The following PIP5K1C variants were observed in gnomAD, a reference collection of about 807,000 sequenced individuals.
PIP5K1C encodes phosphatidylinositol 4-phosphate 5-kinase type-1 gamma.
Under a neutral mutation model 80.1 loss-of-function variants are expected in PIP5K1C, and 45 were observed. The observed-to-expected ratio is 0.56, with a 90% CI of 0.44 to 0.72. The LOEUF (loss-of-function observed/expected upper bound fraction) is 0.72, where lower values mean the gene tolerates loss of function less well. Among genes scored for constraint, PIP5K1C ranks in the 30% least tolerant of loss-of-function variants. The pLI is 0.00. For synonymous variants in PIP5K1C, 498 were observed against 420.1 expected (o/e 1.19, Z -2.27); for missense variants, 753 against 954.6 (o/e 0.79, Z 2.78).
intron 15 of PIP5K1C, among the ~76,000 whole-genome samples, chr19:3,639,251 G>A (rs1435087381): frequency 2.0e-5 from 3 of 152,148 alleles, no homozygotes; most frequent in Non-Finnish European, 2.9e-5. Flanking sequence ...CCGCCAGCCC[G>A]CTGACAGCTC....
chr19:3,666,770 C>T (rs931464219), intron 2 of PIP5K1C, among the ~76,000 whole-genome samples: 22 of 151,966 alleles, frequency 1.4e-4, no homozygotes, highest in African/African-American at 4.1e-4. Flanking sequence ...CACACACGCA[C>T]GCAGGCAAAC....
chr19:3,700,104 A>G (rs2036250056), intron 1 of PIP5K1C, among the ~76,000 whole-genome samples, 193 bp downstream of exon 1: 1 of 151,758 alleles, frequency 6.6e-6, no homozygotes, highest in Non-Finnish European at 1.5e-5. Context: ...AGCCCCTCGC[A>G]GGCCTCCCGC....
intron 1 of PIP5K1C, among the ~76,000 whole-genome samples, chr19:3,684,617 AAGCCC>A (rs1375813566): frequency 6.6e-6 from 1 of 152,248 alleles, no homozygotes; most frequent in Non-Finnish European, 1.5e-5. Flanking sequence ...GAGCCCAGCC[AAGCCC>A]AGCCAATACT....
chr19:3,683,780 G>C (rs544432541), intron 1 of PIP5K1C, among the ~76,000 whole-genome samples: 111 of 152,122 alleles, frequency 7.3e-4, no homozygotes, highest in African/African-American at 2.5e-3. Flanking sequence ...GAGGCCCCGG[G>C]GCAGGACCGT....
At chr19:3,646,187 T>G in intron 10 of PIP5K1C, 129 bp from the exon 11 acceptor site, 37 of 654,136 alleles carry the variant, frequency 5.7e-5, no homozygotes, top group Non-Finnish European at 3.4e-5. Context: ...GATGGGTCCA[T>G]GGCGCCATGG....
chr19:3,636,266 G>C (rs976560468), intron 16 of PIP5K1C: 1 of 471,156 alleles, frequency 2.1e-6, no homozygotes, highest in Non-Finnish European at 2.8e-6. Context: ...AGGGGAAGTG[G>C]GGGGCAGTAG....
At chr19:3,640,660 G>A (rs753808820) in intron 15 of PIP5K1C, among the ~76,000 whole-genome samples, 5 of 151,532 alleles carry the variant, frequency 3.3e-5, no homozygotes, top group Non-Finnish European at 5.9e-5. Flanking sequence ...CAGTACTTTG[G>A]GAGGCCAAGG....
At chr19:3,697,512 C>CG in intron 1 of PIP5K1C, among the ~76,000 whole-genome samples, 1 of 151,726 alleles carries the variant, frequency 6.6e-6, no homozygotes, top group Non-Finnish European at 1.5e-5. Context: ...CAGGGAGGAC[C>CG]AAGCTGGACC....
Position 3,647,404 on chromosome 19 carries a change from G to A in PIP5K1C, c.1212-18C>T, listed in dbSNP as rs373697415. 413 of 1,572,780 alleles carry A rather than the reference G, an allele frequency of 2.6e-4. 2 individuals are homozygous for A. In the African/African-American group the frequency reaches 4.6e-3, roughly 18 times the overall value. ...TGATGAACCTGTGGAGAGAGCACCC[G>A]GAGTGGCAGCTGACATCAGCCAAGC... On this transcript the variant is annotated intron_variant, in intron 9 of 17. Coordinates refer to ENST00000335312, the MANE Select transcript of PIP5K1C (RefSeq NM_012398.3).
At chr19:3,654,969 G>A (rs528875458) in intron 6 of PIP5K1C, among the ~76,000 whole-genome samples, 6 of 151,964 alleles carry the variant, frequency 3.9e-5, no homozygotes, top group Admixed American at 6.6e-5. Context: ...TTAGCCAGGC[G>A]TGGTGGTAGG....
At chr19:3,682,972 C>T (rs1472056167) in intron 1 of PIP5K1C, among the ~76,000 whole-genome samples, 1 of 149,120 alleles carries the variant, frequency 6.7e-6, no homozygotes, top group Non-Finnish European at 1.5e-5. Context: ...CTTCCCCTCC[C>T]TCCTCTCCTC....
chr19:3,669,229 T>C (rs1480197350), intron 1 of PIP5K1C, among the ~76,000 whole-genome samples: 1 of 151,464 alleles, frequency 6.6e-6, no homozygotes, highest in African/African-American at 2.4e-5. Flanking sequence ...TGCGCCGGAG[T>C]GTGTGCAGGA....
intron 15 of PIP5K1C, among the ~76,000 whole-genome samples, chr19:3,640,692 G>GTT (rs146829782): frequency 8.4e-5 from 12 of 142,914 alleles, no homozygotes; most frequent in Non-Finnish European, 7.7e-5. Flanking sequence ...CTCGAGGTCA[G>GTT]TTTTTTTTTT....
Position 3,666,885 on chromosome 19 carries a change from G to C in PIP5K1C, c.126+437C>G, listed in dbSNP as rs1471391949. 3.3e-5 allele frequency among the ~76,000 whole-genome samples: 5 copies of C among 152,278 alleles called. No individual in the cohort carries two copies. The East Asian group carries it at 7.7e-4, about 23-fold the overall frequency. ...GCCTGTGTGGCTCACAGACACTGAG[G>C]GCGTGGGTGCAGCTGGTAGCCTCGG... On this transcript the variant is annotated intron_variant, in intron 2 of 17. Coordinates refer to ENST00000335312, the MANE Select transcript of PIP5K1C (RefSeq NM_012398.3).
rs192171700 is a variant in PIP5K1C, at chr19:3,697,141, G to T, written c.94+3156C>A. On this transcript the variant is annotated intron_variant, in intron 1 of 17. Coordinates refer to ENST00000335312, the MANE Select transcript of PIP5K1C (RefSeq NM_012398.3). ...GAGCCAGACGAAGGAGGACTGAGCC[G>T]GACGAAGGAGAACCGAGCCGGACAG... 4.9e-3 allele frequency among the ~76,000 whole-genome samples: 742 copies of T among 150,330 alleles called. 5 individuals are homozygous for T. Among genetic ancestry groups the T allele is most frequent in the African/African-American group, 0.018 (717 of 40,736 alleles).
At chr19:3,677,867 G>T (rs537786349) in intron 1 of PIP5K1C, among the ~76,000 whole-genome samples, 1 of 62,162 alleles carries the variant, frequency 1.6e-5, no homozygotes, top group African/African-American at 6.9e-5. Context: ...GATAGAGAGA[G>T]GGAGGGAGGG....
chr19:3,680,033 C>T (rs566571555), intron 1 of PIP5K1C, among the ~76,000 whole-genome samples: 4 of 152,188 alleles, frequency 2.6e-5, no homozygotes, highest in Non-Finnish European at 5.9e-5. Context: ...ACAGCCCCCT[C>T]GGGGGGACGT....
intron 5 of PIP5K1C, among the ~76,000 whole-genome samples, chr19:3,658,630 A>G (rs2034721857): frequency 6.6e-6 from 1 of 152,180 alleles, no homozygotes; most frequent in South Asian, 2.1e-4. Context: ...GGTCACCCGG[A>G]GCAGGGGACA....
At chr19:3,667,454 G>T in intron 1 of PIP5K1C, 101 bp from the exon 2 acceptor site, 4 of 1,264,112 alleles carry the variant, frequency 3.2e-6, no homozygotes, top group Non-Finnish European at 4.6e-6. Flanking sequence ...GGCCTGGCGT[G>T]TGTAACTCCG....
Sources: gnomAD v4.1 joint callset for allele counts (sites outside exome capture counted in the v4.1 genomes callset) on GRCh38, gnomAD v4.1.1 for gene constraint, MANE v1.5 for transcripts, NCBI Gene and HGNC (gene_info 2026-07-23, HGNC 2026-07-21) for gene names.